The following TACR1 variants were observed in gnomAD, a reference collection of about 807,000 sequenced individuals.
The protein encoded by TACR1 is substance-P receptor.
In TACR1, 25 loss-of-function variants were observed where a neutral mutation model predicts 35.8. That is an observed-to-expected ratio of 0.70 (90% CI 0.51 to 0.98). TACR1 has a LOEUF of 0.98. Ranked by LOEUF, TACR1 falls within the 50% of genes least tolerant of loss-of-function variation. TACR1 has a pLI of 0.00. For synonymous variants in TACR1, 195 were observed against 206.7 expected, an observed-to-expected ratio of 0.94 and a Z score of 0.48; for missense variants, 478 against 522.9, an observed-to-expected ratio of 0.91 and a Z score of 0.84.
At chr2:75,102,811 C>CATG (rs1673564978) in intron 2 of TACR1, among the ~76,000 whole-genome samples, 1 of 152,010 alleles carries the variant, frequency 6.6e-6, no homozygotes, top group African/African-American at 2.4e-5. Flanking sequence ...TACCAAAAGA[C>CATG]ATGATTCAGA....
At chr2:75,196,686 A>G (rs1676002828) in intron 1 of TACR1, among the ~76,000 whole-genome samples, 3 of 152,178 alleles carry the variant, frequency 2.0e-5, no homozygotes, top group South Asian at 4.1e-4. Context: ...GTTCCAGAGG[A>G]AAGATCAGGG....
intron 2 of TACR1, among the ~76,000 whole-genome samples, chr2:75,098,251 T>C (rs1469148847): frequency 6.6e-6 from 1 of 152,196 alleles, no homozygotes; most frequent in Non-Finnish European, 1.5e-5. Context: ...AGTTTTTACA[T>C]CATTGTCATT....
intron 2 of TACR1, among the ~76,000 whole-genome samples, chr2:75,060,668 G>A (rs1308803663): frequency 6.6e-6 from 1 of 152,214 alleles, no homozygotes; most frequent in Admixed American, 6.5e-5. Flanking sequence ...AAACCATGAG[G>A]TGGTTTTAAA....
At chr2:75,186,646 A>T (rs1675711309) in intron 1 of TACR1, among the ~76,000 whole-genome samples, 2 of 138,304 alleles carry the variant, frequency 1.4e-5, no homozygotes, top group African/African-American at 6.0e-5. Flanking sequence ...ATTTTTCTTA[A>T]AAAAAAAAAA....
chr2:75,191,494 G>T (rs1329744652), intron 1 of TACR1, among the ~76,000 whole-genome samples: 1 of 152,118 alleles, frequency 6.6e-6, no homozygotes, highest in Non-Finnish European at 1.5e-5. Flanking sequence ...AGATGGTAAT[G>T]ATAAGCACCT....
chr2:75,064,619 C>T (rs998561820), intron 2 of TACR1, among the ~76,000 whole-genome samples: 1 of 152,224 alleles, frequency 6.6e-6, no homozygotes, highest in Non-Finnish European at 1.5e-5. Flanking sequence ...GGAAGAGGGA[C>T]TTGCAAAAGG....
At chr2:75,083,552 C>T (rs904664476) in intron 2 of TACR1, among the ~76,000 whole-genome samples, 15 of 152,108 alleles carry the variant, frequency 9.9e-5, no homozygotes, top group African/African-American at 3.6e-4. Flanking sequence ...TTCTTCCTAT[C>T]CATGAGCATG....
At chr2:75,050,901 A>G (rs1672450740) in intron 4 of TACR1, 1 of 330,382 alleles carries the variant, frequency 3.0e-6, no homozygotes, top group Non-Finnish European at 5.8e-6. Flanking sequence ...CTCACAGGCC[A>G]TGGCCTGGAG....
chr2:75,148,593 T>A (rs1674599457), intron 1 of TACR1, among the ~76,000 whole-genome samples: 1 of 152,238 alleles, frequency 6.6e-6, no homozygotes, highest in African/African-American at 2.4e-5. Flanking sequence ...GTAAATCTGT[T>A]TAAGTTCCTT....
chr2:75,178,156 A>G lies in TACR1; in HGVS notation c.389+20390T>C, dbSNP rs113580025. Among the ~76,000 whole-genome samples the G allele has an allele frequency of 6.4e-3, 961 of 149,674 alleles. 7 individuals carry two copies. The highest frequency in any genetic ancestry group is 0.023 in the African/African-American group (934 of 40,836). On this transcript the variant is annotated intron_variant, in intron 1 of 4. Coordinates refer to ENST00000305249, the MANE Select transcript of TACR1 (RefSeq NM_001058.4). ...TTGCTCCTACATTCATTCATCCCTC[A>G]CTAGCATCATACATTTCTTTCAATT... is the stretch of plus-strand genomic sequence containing the variant.
At chr2:75,154,401 A>AGCGCGCGCGCGCGT (rs142809732) in intron 1 of TACR1, 1 of 76,444 alleles carries the variant, frequency 1.3e-5, no homozygotes, top group Non-Finnish European at 2.7e-5. Flanking sequence ...ATCAGCCAAG[A>AGCGCGCGCGCGCGT]GCGCGCACGC....
At chr2:75,119,718 A>G (rs1194398235) in intron 2 of TACR1, among the ~76,000 whole-genome samples, 1 of 152,210 alleles carries the variant, frequency 6.6e-6, no homozygotes, top group Non-Finnish European at 1.5e-5. Context: ...TAAGGTCTCA[A>G]TGCCTGGCCT....
chr2:75,118,287 T>C (rs1393751595), intron 2 of TACR1, among the ~76,000 whole-genome samples: 1 of 152,256 alleles, frequency 6.6e-6, no homozygotes, highest in Non-Finnish European at 1.5e-5. Context: ...TATGCACTTA[T>C]GTTTCCATCA....
At chr2:75,167,887 C>G (rs1675182862) in intron 1 of TACR1, among the ~76,000 whole-genome samples, 1 of 151,708 alleles carries the variant, frequency 6.6e-6, no homozygotes, top group South Asian at 2.1e-4. Context: ...AAAATGATAC[C>G]ATTGTTCACT....
intron 2 of TACR1, among the ~76,000 whole-genome samples, chr2:75,110,199 AC>A (rs1271529719): frequency 6.6e-6 from 1 of 152,120 alleles, no homozygotes; most frequent in Non-Finnish European, 1.5e-5. Context: ...ATATTGGAAG[AC>A]CATGGAACAG....
chr2:75,111,877 A>T (rs1673757007), intron 2 of TACR1, among the ~76,000 whole-genome samples: 1 of 151,930 alleles, frequency 6.6e-6, no homozygotes, highest in Non-Finnish European at 1.5e-5. Flanking sequence ...AGAGAGAGAG[A>T]AACCTTTTCC....
chr2:75,121,572 G>C (rs1360903669), intron 1 of TACR1, among the ~76,000 whole-genome samples: 1 of 152,166 alleles, frequency 6.6e-6, no homozygotes, highest in Non-Finnish European at 1.5e-5. Flanking sequence ...GTTTGAGTTT[G>C]TGCACAGCCC....
chr2:75,175,387 T>C lies in TACR1; in HGVS notation c.389+23159A>G, dbSNP rs116225781. Among the ~76,000 whole-genome samples the C allele has an allele frequency of 8.0e-3, 1,217 of 152,338 alleles. 12 individuals carry two copies. Among genetic ancestry groups the C allele is most frequent in the African/African-American group, 0.028 (1,159 of 41,566 alleles). On this transcript the variant is annotated intron_variant, in intron 1 of 4. Coordinates refer to ENST00000305249, the MANE Select transcript of TACR1 (RefSeq NM_001058.4). ...ATCTCTGATTTTAATATAAATAAAG[T>C]GAATAGTTCCTATTGCTGCTCAAAA...
chr2:75,092,901 A>G (rs1673337775), intron 2 of TACR1, among the ~76,000 whole-genome samples: 1 of 152,238 alleles, frequency 6.6e-6, no homozygotes, highest in Admixed American at 6.5e-5. Flanking sequence ...TTGCAAAGAT[A>G]CGGAGAAATG....
Sources: gnomAD v4.1 joint callset for allele counts (sites outside exome capture counted in the v4.1 genomes callset) on GRCh38, gnomAD v4.1.1 for gene constraint, MANE v1.5 for transcripts, NCBI Gene and HGNC (gene_info 2026-07-23, HGNC 2026-07-21) for gene names.